XKR9: variants seen among roughly 807,000 people sequenced by gnomAD.
XKR9 encodes the protein XK related 9.
A neutral mutation model predicts 32.0 loss-of-function variants in XKR9; 32 were observed. The observed-to-expected ratio is 1.00, with a 90% CI of 0.76 to 1.34. XKR9 has a LOEUF of 1.34. Ranked by LOEUF, XKR9 falls within the 40% of genes most tolerant of loss-of-function variation. The pLI is 0.00. For missense variants in XKR9, 546 were observed against 429.7 expected (o/e 1.27, Z -2.39); for synonymous variants, 168 against 143.4 (o/e 1.17, Z -1.22).
chr8:70,744,139 C>T (rs911480180), intron 2 of XKR9, among the ~76,000 whole-genome samples: 1 of 151,872 alleles, frequency 6.6e-6, no homozygotes, highest in Non-Finnish European at 1.5e-5. Flanking sequence ...GATGAAACCC[C>T]ATCTCTACTA....
the XKR9 span, among the ~76,000 whole-genome samples, chr8:71,045,671 C>T: frequency 2.0e-5 from 3 of 152,104 alleles, no homozygotes; most frequent in Non-Finnish European, 2.9e-5. Flanking sequence ...GACCACAAGC[C>T]GAGTCATAGG....
At chr8:70,871,975 T>A in the XKR9 span, among the ~76,000 whole-genome samples, 1 of 152,190 alleles carries the variant, frequency 6.6e-6, no homozygotes, top group Non-Finnish European at 1.5e-5. Flanking sequence ...ATTTGGGACT[T>A]TCCAAACTTC....
intron 3 of XKR9, among the ~76,000 whole-genome samples, chr8:70,692,752 G>A (rs1455122187): frequency 6.6e-6 from 1 of 151,880 alleles, no homozygotes; most frequent in Non-Finnish European, 1.5e-5. Flanking sequence ...CTAATTTTTT[G>A]TATTTTCAGT....
chr8:70,896,019 A>AT, the XKR9 span, among the ~76,000 whole-genome samples: 37 of 152,076 alleles, frequency 2.4e-4, no homozygotes, highest in Middle Eastern at 3.4e-3. Context: ...AAAAAAGAAG[A>AT]TTTTTTAATA....
chr8:70,904,665 G>A, the XKR9 span, among the ~76,000 whole-genome samples: 1 of 152,152 alleles, frequency 6.6e-6, no homozygotes, highest in Non-Finnish European at 1.5e-5. Flanking sequence ...CTGTCATTAT[G>A]ATGTTAGCTG....
At chr8:70,688,653 T>G (rs928505656) in intron 3 of XKR9, among the ~76,000 whole-genome samples, 2 of 151,726 alleles carry the variant, frequency 1.3e-5, no homozygotes, top group African/African-American at 2.4e-5. Flanking sequence ...CCTGACCTCG[T>G]GAGCCGCCCG....
Position 70,734,453 on chromosome 8 carries a change from A to G in XKR9, c.*29A>G, listed in dbSNP as rs372837042. Reference sequence around the variant, plus strand: ...ATTCATTTATGATATATATTTTCTTATATTTTGTTTCATTGGTTAGTAAAG... The same window carrying G: ...ATTCATTTATGATATATATTTTCTTGTATTTTGTTTCATTGGTTAGTAAAG... On this transcript the variant is annotated 3_prime_UTR_variant, in exon 5 of 5. Transcript: ENST00000408926. 64 of 1,467,824 alleles carry G rather than the reference A, an allele frequency of 4.4e-5. No homozygotes were observed. The African/African-American group carries it at 7.1e-4, about 16-fold the overall frequency. The allele number at this position is 1,467,824 out of a possible 1,614,324, so 90.9% of individuals were successfully genotyped here. A position where few individuals can be genotyped will look rare whatever the true frequency, so the allele number is the denominator to read the frequency against.
At chr8:70,959,036 C>T in the XKR9 span, among the ~76,000 whole-genome samples, 1 of 151,816 alleles carries the variant, frequency 6.6e-6, no homozygotes, top group Non-Finnish European at 1.5e-5. Flanking sequence ...AATATAGGGT[C>T]GAATTATCCT....
At chr8:70,980,236 C>T in the XKR9 span, among the ~76,000 whole-genome samples, 7 of 152,216 alleles carry the variant, frequency 4.6e-5, no homozygotes, top group African/African-American at 1.2e-4. Context: ...TGATGCCCCG[C>T]CCTGCTTTGG....
intron 2 of XKR9, among the ~76,000 whole-genome samples, chr8:70,771,880 A>G (rs1394761846): frequency 6.6e-6 from 1 of 152,180 alleles, no homozygotes; most frequent in African/African-American, 2.4e-5. Context: ...AATTGTAGAT[A>G]TTGACAAAAT....
chr8:70,885,715 G>C, the XKR9 span, among the ~76,000 whole-genome samples: 1 of 151,998 alleles, frequency 6.6e-6, no homozygotes, highest in Non-Finnish European at 1.5e-5. Context: ...TCCTGCCTCA[G>C]CCTCCTAAGT....
intron 2 of XKR9, among the ~76,000 whole-genome samples, chr8:70,777,081 G>T (rs1586894250): frequency 1.3e-5 from 2 of 151,290 alleles, no homozygotes; most frequent in African/African-American, 4.9e-5. Context: ...TACATTAGGT[G>T]TTTCTCCTAA....
chr8:70,673,752 G>C (rs1252232143), intron 1 of XKR9, among the ~76,000 whole-genome samples: 1 of 149,194 alleles, frequency 6.7e-6, no homozygotes, highest in Non-Finnish European at 1.5e-5. Flanking sequence ...GTGACAGAGT[G>C]AGACTCCATG....
the XKR9 span, among the ~76,000 whole-genome samples, chr8:70,984,597 T>C: frequency 1.3e-5 from 2 of 152,174 alleles, no homozygotes; most frequent in African/African-American, 4.8e-5. Flanking sequence ...TAGCTATTTG[T>C]TTTAAATGGG....
the XKR9 span, among the ~76,000 whole-genome samples, chr8:70,816,392 C>T: frequency 6.6e-6 from 1 of 152,168 alleles, no homozygotes; most frequent in African/African-American, 2.4e-5. Flanking sequence ...CCATGACTAT[C>T]TGCCCAAAGG....
At chr8:70,916,868 C>CT in the XKR9 span, among the ~76,000 whole-genome samples, 602 of 142,168 alleles carry the variant, frequency 4.2e-3, 2 homozygotes, top group East Asian at 0.013. Context: ...TGTGAAAAAG[C>CT]TTTTTTTTTT....
chr8:70,746,322 C>A (rs1807058479), intron 2 of XKR9, among the ~76,000 whole-genome samples: 1 of 146,776 alleles, frequency 6.8e-6, no homozygotes. Flanking sequence ...ACCTGAAGTG[C>A]TTATTGAAAC....
intron 2 of XKR9, among the ~76,000 whole-genome samples, chr8:70,744,587 A>G (rs916316365): frequency 6.6e-6 from 1 of 152,170 alleles, no homozygotes; most frequent in African/African-American, 2.4e-5. Flanking sequence ...ACCTACAGCT[A>G]TGCTAAGTTA....
At chr8:70,698,574 T>C (rs756559053) in intron 3 of XKR9, among the ~76,000 whole-genome samples, 16,897 of 152,114 alleles carry the variant, frequency 0.11, 1,086 homozygotes, top group African/African-American at 0.18. Flanking sequence ...TTCTGTTCTT[T>C]TACATTTGCT....
Sources: gnomAD v4.1 joint callset for allele counts (sites outside exome capture counted in the v4.1 genomes callset) on GRCh38, gnomAD v4.1.1 for gene constraint, MANE v1.5 for transcripts, NCBI Gene and HGNC (gene_info 2026-07-23, HGNC 2026-07-21) for gene names.